The following AKAIN1 variants were observed in gnomAD, a reference collection of about 807,000 sequenced individuals.
AKAIN1 encodes A-kinase anchor protein inhibitor 1.
AKAIN1 carries 3 observed loss-of-function variants against 3.7 expected under a neutral mutation model. The ratio of observed to expected loss-of-function variants is 0.82; its 90% CI spans 0.37 to 2.12. The LOEUF (loss-of-function observed/expected upper bound fraction) is 2.12. Ranked by LOEUF, AKAIN1 falls within the 30% of genes most tolerant of loss-of-function variation. AKAIN1 has a pLI of 0.06. For missense variants in AKAIN1, 82 were observed against 82.7 expected, an observed-to-expected ratio of 0.99 and a Z score of 0.03; for synonymous variants, 31 against 30.8, an observed-to-expected ratio of 1.01 and a Z score of -0.02.
chr18:5,167,604 A>C (rs1475549771), intron 1 of AKAIN1, among the ~76,000 whole-genome samples: 1 of 152,210 alleles, frequency 6.6e-6, no homozygotes, highest in African/African-American at 2.4e-5. Context: ...GGTGATGTTT[A>C]ATAGGGCAGA....
intron 1 of AKAIN1, 31 bp from the exon 2 acceptor site, chr18:5,145,786 GGA>G: frequency 6.5e-7 from 1 of 1,526,862 alleles, no homozygotes; most frequent in Non-Finnish European, 8.9e-7. Flanking sequence ...GAGGGGAAAA[GGA>G]GAGAAATTAA....
intron 1 of AKAIN1, among the ~76,000 whole-genome samples, chr18:5,178,768 A>C (rs1020198743): frequency 6.6e-6 from 1 of 151,776 alleles, no homozygotes; most frequent in Admixed American, 6.6e-5. Flanking sequence ...TGCTTAGAAC[A>C]CTCCCCTAGA....
chr18:5,178,918 A>G (rs2071241423), intron 1 of AKAIN1, among the ~76,000 whole-genome samples: 1 of 152,154 alleles, frequency 6.6e-6, no homozygotes, highest in South Asian at 2.1e-4. Flanking sequence ...GCAATCAGAT[A>G]AAAATTCTGC....
At chr18:5,164,070 CT>C (rs1315686201) in intron 1 of AKAIN1, among the ~76,000 whole-genome samples, 1 of 152,022 alleles carries the variant, frequency 6.6e-6, no homozygotes, top group Non-Finnish European at 1.5e-5. Flanking sequence ...ATAGGTAGCT[CT>C]TACACCTGTA....
At chr18:5,154,133 G>C (rs971322185) in intron 1 of AKAIN1, among the ~76,000 whole-genome samples, 2 of 152,120 alleles carry the variant, frequency 1.3e-5, no homozygotes, top group African/African-American at 4.8e-5. Flanking sequence ...ATGTCTTTGT[G>C]ACCTGGGAGT....
At chr18:5,158,347 G>T (rs2071120100) in intron 1 of AKAIN1, among the ~76,000 whole-genome samples, 1 of 152,218 alleles carries the variant, frequency 6.6e-6, no homozygotes, top group Non-Finnish European at 1.5e-5. Flanking sequence ...ACACTCCTTT[G>T]GTGCCAGCTC....
At chr18:5,196,163 C>T (rs1310442549) in intron 1 of AKAIN1, among the ~76,000 whole-genome samples, 1 of 152,248 alleles carries the variant, frequency 6.6e-6, no homozygotes, top group East Asian at 1.9e-4. Flanking sequence ...TCCCCACTCC[C>T]TGTTTTCCAC....
intron 1 of AKAIN1, among the ~76,000 whole-genome samples, chr18:5,160,477 A>G (rs1197911809): frequency 6.6e-6 from 1 of 152,072 alleles, no homozygotes; most frequent in Non-Finnish European, 1.5e-5. Context: ...CTTGTCAATT[A>G]TATGTGCAGC....
chr18:5,184,265 T>C (rs1378788834), intron 1 of AKAIN1, among the ~76,000 whole-genome samples: 2 of 152,038 alleles, frequency 1.3e-5, no homozygotes, highest in African/African-American at 4.8e-5. Context: ...TCACAAATAA[T>C]GAGGATCCAC....
intron 1 of AKAIN1, among the ~76,000 whole-genome samples, chr18:5,153,493 A>T (rs559138824): frequency 3.4e-4 from 51 of 151,608 alleles, no homozygotes; most frequent in African/African-American, 1.2e-3. Context: ...GATATATGGA[A>T]CACCTGATTT....
intron 1 of AKAIN1, among the ~76,000 whole-genome samples, chr18:5,152,816 C>T (rs2071086895): frequency 6.6e-6 from 1 of 152,188 alleles, no homozygotes; most frequent in Non-Finnish European, 1.5e-5. Context: ...TCAAGGCAGC[C>T]TGAGTGGCTA....
At chr18:5,150,100 C>T (rs1403248363) in intron 1 of AKAIN1, among the ~76,000 whole-genome samples, 1 of 152,240 alleles carries the variant, frequency 6.6e-6, no homozygotes, top group Non-Finnish European at 1.5e-5. Flanking sequence ...GAAGGAACCA[C>T]TTAGCTCCAT....
intron 1 of AKAIN1, among the ~76,000 whole-genome samples, chr18:5,180,392 T>C (rs1049087878): frequency 1.3e-5 from 2 of 149,916 alleles, no homozygotes; most frequent in Admixed American, 1.3e-4. Context: ...GACTGAGAGG[T>C]TCATGGGGAG....
intron 1 of AKAIN1, among the ~76,000 whole-genome samples, chr18:5,178,607 T>C (rs2071239449): frequency 6.6e-6 from 1 of 152,116 alleles, no homozygotes; most frequent in Non-Finnish European, 1.5e-5. Context: ...TACAGAGCAC[T>C]TGTATGTGCC....
chr18:5,151,683 A>AATGG, intron 1 of AKAIN1, among the ~76,000 whole-genome samples: 1 of 152,208 alleles, frequency 6.6e-6, no homozygotes, highest in African/African-American at 2.4e-5. Flanking sequence ...CCCTGACTCT[A>AATGG]CCTACAATGG....
chr18:5,190,662 A>C (rs2071313725), intron 1 of AKAIN1, among the ~76,000 whole-genome samples: 1 of 152,184 alleles, frequency 6.6e-6, no homozygotes, highest in South Asian at 2.1e-4. Context: ...TAAACTTTAG[A>C]CATTTATTTT....
intron 1 of AKAIN1, among the ~76,000 whole-genome samples, chr18:5,189,149 G>T (rs8085114): frequency 0.45 from 68,329 of 151,884 alleles, 15,903 homozygotes; most frequent in Middle Eastern, 0.54. Context: ...AGACAACTCT[G>T]TGCAGCAAGC....
At chr18:5,150,397 C>T (rs554259764) in intron 1 of AKAIN1, among the ~76,000 whole-genome samples, 4 of 152,182 alleles carry the variant, frequency 2.6e-5, no homozygotes, top group Admixed American at 6.5e-5. Context: ...AGACTGTTGC[C>T]TAGCTTTAAA....
chr18:5,166,266 C>G (rs1461615238), intron 1 of AKAIN1, among the ~76,000 whole-genome samples: 1 of 151,842 alleles, frequency 6.6e-6, no homozygotes, highest in East Asian at 1.9e-4. Context: ...AGTCTTAGAG[C>G]AATGCATTTT....
Sources: allele counts gnomAD v4.1 joint callset (sites outside exome capture counted in the v4.1 genomes callset), GRCh38; gene constraint gnomAD v4.1.1; transcripts MANE v1.5; gene names NCBI Gene and HGNC (gene_info 2026-07-23, HGNC 2026-07-21).